The following OR5B2 variants were observed in gnomAD, a reference collection of about 807,000 sequenced individuals.
The protein encoded by OR5B2 is olfactory receptor family 5 subfamily B member 2.
For missense variants in OR5B2, 411 were observed against 367.0 expected (o/e 1.12, Z -0.98); for synonymous variants, 163 against 140.8 (o/e 1.16, Z -1.11).
rs1296271965 is a variant in OR5B2, at chr11:58,423,291, T to A, written c.-28-2A>T. The A allele has an allele frequency of 1.8e-5, 25 of 1,371,758 alleles. No homozygotes were observed. The highest frequency in any genetic ancestry group is 2.3e-5 in the Non-Finnish European group (23 of 996,592). 85.0% of individuals were successfully genotyped at this position (1,371,758 alleles called of 1,614,324 possible). ...ATTATCTGAGAAACTTAAGATGACC[T>A]GTAGCAATGAGAAATAAAGCAATAG... On this transcript the variant is annotated splice_acceptor_variant, in intron 2 of 2. Coordinates refer to ENST00000641342, the MANE Select transcript of OR5B2 (RefSeq NM_001005566.3). LOFTEE classifies it low-confidence loss of function (5UTR_SPLICE).
Position 58,423,161 on chromosome 11 carries a change from A to T in OR5B2, c.101T>A (p.Leu34His). 1 of 1,613,564 alleles carries T rather than the reference A, an allele frequency of 6.2e-7. No individual in the cohort carries two copies. The highest frequency in any genetic ancestry group is 8.5e-7 in the Non-Finnish European group (1 of 1,179,624). ...CCCCAGGTTCCCACACAGAGTGAGGAGGTAGATGAAGGTGAACAAGATAAA... is the reference window on the plus strand; with the variant it reads ...CCCCAGGTTCCCACACAGAGTGAGGTGGTAGATGAAGGTGAACAAGATAAA... ...PLFILFTFIYLLTLCGNLGMM... is the reference protein window; with the variant it reads ...PLFILFTFIYHLTLCGNLGMM... The change falls in exon 3 of 3, where the codon CTC becomes CAC. Residue 34 changes from leucine to histidine, a missense_variant. Coordinates refer to ENST00000641342, the MANE Select transcript of OR5B2 (RefSeq NM_001005566.3).
rs545471935 is a variant in OR5B2 at position 58,426,283 on chromosome 11, C to A, written c.-29+339G>T. Among the ~76,000 whole-genome samples the A allele has an allele frequency of 2.0e-5, 3 of 152,046 alleles. No individual in the cohort carries two copies. In the South Asian group the frequency reaches 6.2e-4, roughly 32 times the overall value. On this transcript the variant is annotated intron_variant, in intron 2 of 2. Transcript: ENST00000641342. ...GATTATTTCATCACTCAGGTATTAG[C>A]CTGGGACCCATTAGTTATTTTTTTT...
chr11:58,422,425 G>T lies in OR5B2; in HGVS notation c.837C>A (p.Ile279=). Residue 279 remains isoleucine (I), a synonymous_variant, in exon 3 of 3, where the codon ATC becomes ATA. Transcript: ENST00000641342. ...AGACCACAGGGTTCAGCATGGGGAT[G>T]ATCATAGCATAGAACACAGATGCCA... is the stretch of plus-strand genomic sequence containing the variant. The part of the protein sequence containing the change: ...DKMASVFYAM[I]IPMLNPVVYS... 1 of 1,613,630 alleles carries T rather than the reference G, an allele frequency of 6.2e-7. No homozygotes were observed.
At chr11:58,424,988 G>A (rs1258838108) in intron 2 of OR5B2, among the ~76,000 whole-genome samples, 4 of 152,068 alleles carry the variant, frequency 2.6e-5, no homozygotes, top group African/African-American at 9.7e-5. Context: ...ATGGAGAACA[G>A]TCAAGATTCA....
chr11:58,425,854 C>G (rs559244228), intron 2 of OR5B2, among the ~76,000 whole-genome samples: 1 of 151,890 alleles, frequency 6.6e-6, no homozygotes, highest in African/African-American at 2.4e-5. Flanking sequence ...TGTGTATGTG[C>G]GTGTGTACAC....
rs1249786670 is a variant in OR5B2 at position 58,421,644 on chromosome 11, C to CAA, written c.*686_*687dup. ...CATTTATTCAAATCCATAGAAGGGA[C>CAA]AACAGCAAGAGTGAATCCTAATGTA... On this transcript the variant is annotated 3_prime_UTR_variant, in exon 3 of 3. Transcript: ENST00000641342. 2 of 151,972 alleles carry CAA rather than the reference C, an allele frequency of 1.3e-5. No individual in the cohort carries two copies. Among genetic ancestry groups the CAA allele is most frequent in the African/African-American group, 2.4e-5 (1 of 41,392 alleles). 9.4% of individuals were successfully genotyped at this position (151,972 alleles called of 1,614,324 possible).
chr11:58,426,898 T>A (rs1350816706), intron 1 of OR5B2, among the ~76,000 whole-genome samples: 1 of 152,134 alleles, frequency 6.6e-6, no homozygotes, highest in Non-Finnish European at 1.5e-5. Context: ...TAAGAAGGGA[T>A]CATCGTATCT....
intron 1 of OR5B2, 59 bp from the exon 2 acceptor site, chr11:58,426,735 CA>C (rs775372080): frequency 1.2e-4 from 19 of 152,198 alleles, no homozygotes; most frequent in South Asian, 8.3e-4. Context: ...TGTCTAGTCA[CA>C]AATATTGAAG....
Position 58,422,303 on chromosome 11 carries a change from G to A in OR5B2, c.*29C>T, listed in dbSNP as rs763798620. The stretch of plus-strand genomic sequence containing the variant: ...CTGAGATGAGGGAAACAACATTTTT[G>A]TGTATACAACAATGTTAAAATTCCA... On this transcript the variant is annotated 3_prime_UTR_variant, in exon 3 of 3. Transcript: ENST00000641342. The A allele has an allele frequency of 2.3e-5, 32 of 1,394,714 alleles. No homozygotes were observed. Among genetic ancestry groups the A allele is most frequent in the African/African-American group, 1.4e-4 (10 of 69,938 alleles). 86.4% of individuals were successfully genotyped at this position (1,394,714 alleles called of 1,614,324 possible).
chr11:58,427,839 A>C (rs1484385156), intron 1 of OR5B2, among the ~76,000 whole-genome samples, 180 bp downstream of exon 1: 4 of 152,114 alleles, frequency 2.6e-5, no homozygotes, highest in African/African-American at 7.2e-5. Flanking sequence ...GGGAACAGTC[A>C]AGGGACTGTG....
rs115398708 is a variant in OR5B2, at chr11:58,423,289, C to T, written c.-28G>A. On this transcript the variant is annotated splice_region_variant and 5_prime_UTR_variant, in exon 3 of 3. Coordinates refer to ENST00000641342, the MANE Select transcript of OR5B2 (RefSeq NM_001005566.3). ...GTATTATCTGAGAAACTTAAGATGACCTGTAGCAATGAGAAATAAAGCAAT... is the reference window on the plus strand; with the variant it reads ...GTATTATCTGAGAAACTTAAGATGATCTGTAGCAATGAGAAATAAAGCAAT... The T allele has an allele frequency of 1.1e-3, 1,536 of 1,390,520 alleles. 18 individuals are homozygous for T. The African/African-American group carries it at 0.02, about 18-fold the overall frequency. 86.1% of individuals were successfully genotyped at this position (1,390,520 alleles called of 1,614,324 possible). A position where few individuals can be genotyped will look rare whatever the true frequency, so the allele number is the denominator to read the frequency against.
chr11:58,423,178 C>A lies in OR5B2; in HGVS notation c.84G>T (p.Leu28Phe). 2.5e-6 allele frequency: 4 copies of A among 1,613,542 alleles called. No individual in the cohort carries two copies. Among genetic ancestry groups the A allele is most frequent in the African/African-American group, 1.3e-5 (1 of 74,952 alleles). ...GAGTGAGGAGGTAGATGAAGGTGAACAAGATAAAGAGGGGGATCTGTAGTT... is the reference window on the plus strand; with the variant it reads ...GAGTGAGGAGGTAGATGAAGGTGAAAAAGATAAAGAGGGGGATCTGTAGTT... ...VPELQIPLFI[L>F]FTFIYLLTLC... The change falls in exon 3 of 3, where the codon TTG (leucine) becomes TTT (phenylalanine). Residue 28 changes from leucine (L) to phenylalanine (F), a missense_variant. Physicochemically the swap from Leu to Phe is conservative, Grantham distance 22 (BLOSUM62 0). Coordinates refer to ENST00000641342, the MANE Select transcript of OR5B2 (RefSeq NM_001005566.3).
At position 58,423,289 on chromosome 11, in the gene OR5B2, C is replaced by A. The variant is rs115398708; in HGVS notation, c.-28G>T. 2.9e-6 allele frequency: 4 copies of A among 1,390,398 alleles called. No individual in the cohort carries two copies. The highest frequency in any genetic ancestry group is 1.4e-5 in the African/African-American group (1 of 69,360). The allele number at this position is 1,390,398 out of a possible 1,614,324, so 86.1% of individuals were successfully genotyped here. A position where few individuals can be genotyped will look rare whatever the true frequency, so the allele number is the denominator to read the frequency against. On this transcript the variant is annotated splice_region_variant and 5_prime_UTR_variant, in exon 3 of 3. Transcript: ENST00000641342. ...GTATTATCTGAGAAACTTAAGATGA[C>A]CTGTAGCAATGAGAAATAAAGCAAT...
chr11:58,423,525 C>A (rs1222958607), intron 2 of OR5B2, among the ~76,000 whole-genome samples: 1 of 151,886 alleles, frequency 6.6e-6, no homozygotes, highest in African/African-American at 2.4e-5. Flanking sequence ...AATTTATAAA[C>A]TGCTATGTAG....
At chr11:58,427,966 T>C (rs1474777325) in intron 1 of OR5B2, 53 bp downstream of exon 1, 3 of 152,232 alleles carry the variant, frequency 2.0e-5, no homozygotes, top group East Asian at 3.9e-4. Context: ...CCAGCTAGCA[T>C]TGGTGTCAGT....
Position 58,423,060 on chromosome 11 carries a change from C to T in OR5B2, c.202G>A (p.Asp68Asn), listed in dbSNP as rs1156394542. The T allele has an allele frequency of 1.2e-6, 2 of 1,613,496 alleles. No homozygotes were observed. The highest frequency in any genetic ancestry group is 1.7e-6 in the Non-Finnish European group (2 of 1,179,738). Residue 68 changes from aspartate to asparagine, a missense_variant, in exon 3 of 3, where the codon GAC (aspartate) becomes AAC (asparagine). Coordinates refer to ENST00000641342, the MANE Select transcript of OR5B2 (RefSeq NM_001005566.3). ...YFFLSNLSLV[D>N]FGYSSAVTPK... The stretch of plus-strand genomic sequence containing the variant: ...GTGACAGCTGAGGAGTATCCAAAGT[C>T]CACCAGAGACAGGTTACTGAGGAAA...
chr11:58,424,737 C>T (rs1855318455), intron 2 of OR5B2, among the ~76,000 whole-genome samples: 1 of 152,090 alleles, frequency 6.6e-6, no homozygotes, highest in African/African-American at 2.4e-5. Flanking sequence ...CTAACTACTA[C>T]TGCCTACTGT....
Position 58,423,233 on chromosome 11 carries a change from A to C in OR5B2, c.29T>G (p.Phe10Cys). The change falls in exon 3 of 3, where the codon TTC becomes TGC. Residue 10 changes from phenylalanine to cysteine, a missense_variant. Coordinates refer to ENST00000641342, the MANE Select transcript of OR5B2 (RefSeq NM_001005566.3). ...GACACTGGTTAGTCCTAGAAGAATG[A>C]ACTTTGTCACTTCCGTACAATTCTC... MENCTEVTK[F>C]ILLGLTSVPE... 6.2e-7 allele frequency: 1 copy of C among 1,605,692 alleles called. No homozygotes were observed. Among genetic ancestry groups the C allele is most frequent in the Non-Finnish European group, 8.5e-7 (1 of 1,174,970 alleles).
At chr11:58,426,825 G>C (rs557057914) in intron 1 of OR5B2, 149 bp from the exon 2 acceptor site, 1 of 152,290 alleles carries the variant, frequency 6.6e-6, no homozygotes, top group Admixed American at 6.5e-5. Context: ...TTGTCACACA[G>C]GGCTGCTGCT....
Sources: gnomAD v4.1 joint callset for allele counts (sites outside exome capture counted in the v4.1 genomes callset) on GRCh38, gnomAD v4.1.1 for gene constraint, MANE v1.5 for transcripts, NCBI Gene and HGNC (gene_info 2026-07-23, HGNC 2026-07-21) for gene names.